Variants in EVL observed in about 807,000 individuals in gnomAD.
The protein encoded by EVL is Enah/Vasp-like.
Under a neutral mutation model 59.6 loss-of-function variants are expected in EVL, and 21 were observed. That is an observed-to-expected ratio of 0.35 (90% CI 0.25 to 0.51). The LOEUF (loss-of-function observed/expected upper bound fraction) is 0.51. EVL is among the 20% of genes least tolerant of loss of function. The pLI, the probability that EVL is intolerant of heterozygous loss-of-function variation, is 0.97. For missense variants in EVL, 462 were observed against 546.6 expected (o/e 0.85, Z 1.54); for synonymous variants, 198 against 203.5 (o/e 0.97, Z 0.23).
chr14:100,068,908 TG>T (rs1254683164), intron 1 of EVL, among the ~76,000 whole-genome samples: 1 of 152,172 alleles, frequency 6.6e-6, no homozygotes, highest in African/African-American at 2.4e-5. Context: ...GTGATATGTC[TG>T]CCACTTTTGG....
chr14:100,060,834 C>T (rs554338039), upstream of EVL, among the ~76,000 whole-genome samples: 6 of 151,760 alleles, frequency 4.0e-5, no homozygotes, highest in African/African-American at 1.2e-4. Context: ...CTGCTGAAAA[C>T]GAAAGAAAAA....
At chr14:99,984,888 T>G (rs1246261072) in intron 1 of EVL, among the ~76,000 whole-genome samples, 3 of 152,180 alleles carry the variant, frequency 2.0e-5, no homozygotes, top group Admixed American at 2.0e-4. Flanking sequence ...ATTGCTGGTA[T>G]TACAGGCATA....
intron 1 of EVL, among the ~76,000 whole-genome samples, chr14:100,056,733 G>C (rs1404243991): frequency 6.6e-6 from 1 of 152,100 alleles, no homozygotes; most frequent in Non-Finnish European, 1.5e-5. Flanking sequence ...TGATATTGGA[G>C]GCTAGACTCA....
intron 1 of EVL, among the ~76,000 whole-genome samples, chr14:100,045,380 G>A (rs1371519009): frequency 6.6e-6 from 1 of 152,176 alleles, no homozygotes; most frequent in African/African-American, 2.4e-5. Flanking sequence ...AGATATCTGA[G>A]TGTCTTCTTG....
At chr14:100,000,180 A>G (rs576265182) in intron 1 of EVL, among the ~76,000 whole-genome samples, 14 of 152,318 alleles carry the variant, frequency 9.2e-5, no homozygotes, top group African/African-American at 2.9e-4. Context: ...CGTGTGCCCA[A>G]GGTGGTCAGG....
chr14:100,036,951 A>G (rs2061398310), intron 1 of EVL, among the ~76,000 whole-genome samples: 1 of 152,212 alleles, frequency 6.6e-6, no homozygotes, highest in African/African-American at 2.4e-5. Flanking sequence ...AGGTGAAGAC[A>G]TGAGGGATGC....
chr14:100,130,394 G>T lies in EVL; in HGVS notation c.839+710G>T, dbSNP rs1888358637. Among the ~76,000 whole-genome samples, 1 of 152,338 alleles carries T rather than the reference G, an allele frequency of 6.6e-6. No homozygotes were observed. Among genetic ancestry groups the T allele is most frequent in the East Asian group, 1.9e-4 (1 of 5,184 alleles). ...TTAAATATGACTTGGCATCAGGAAT[G>T]TGCTCACCTTGGACTACCAATATCG... On this transcript the variant is annotated intron_variant, in intron 7 of 13. Coordinates refer to ENST00000392920, the MANE Select transcript of EVL (RefSeq NM_016337.3). The surrounding 1 kb of genome is among the most constrained non-coding windows in gnomAD (Gnocchi z 4.8).
At chr14:99,998,175 A>G (rs1168043628) in intron 1 of EVL, among the ~76,000 whole-genome samples, 1 of 151,964 alleles carries the variant, frequency 6.6e-6, no homozygotes. Context: ...CTGCGCCACT[A>G]TGCCTAGCTA....
At chr14:99,991,995 T>C (rs910480597) in intron 1 of EVL, among the ~76,000 whole-genome samples, 3 of 149,912 alleles carry the variant, frequency 2.0e-5, no homozygotes, top group African/African-American at 7.4e-5. Flanking sequence ...TGTGTGTGTG[T>C]GTCCAGTGAT....
In EVL at chr14:100,084,675, C is replaced by T. The variant is rs750605894; in HGVS notation, c.12-12C>T. On this transcript the variant is annotated splice_polypyrimidine_tract_variant and intron_variant, in intron 1 of 13. Coordinates refer to ENST00000392920, the MANE Select transcript of EVL (RefSeq NM_016337.3). ...TAGCTGAGGCTGACACCAGTTTTTT[C>T]TTGCTCGGCAGTGAACAGAGTATCT... The T allele has an allele frequency of 4.3e-6, 7 of 1,611,950 alleles. No individual in the cohort carries two copies. The highest frequency in any genetic ancestry group is 5.1e-6 in the Non-Finnish European group (6 of 1,178,920).
chr14:100,065,472 A>G lies in EVL; in HGVS notation c.-29A>G. On this transcript the variant is annotated 5_prime_UTR_variant, in exon 1 of 14. Transcript: ENST00000392920. ...GTGGGAGTACAGGACTCGCCTCCTC[A>G]GGGTTCCCTGTGCTGCCACTTTTCA... 1.3e-6 allele frequency: 2 copies of G among 1,497,042 alleles called. No individual in the cohort carries two copies. Among genetic ancestry groups the G allele is most frequent in the Non-Finnish European group, 1.8e-6 (2 of 1,110,020 alleles). 92.7% of individuals were successfully genotyped at this position (1,497,042 alleles called of 1,614,324 possible). A position where few individuals can be genotyped will look rare whatever the true frequency, so the allele number is the denominator to read the frequency against.
At chr14:100,073,394 TCACTG>T (rs1157299383) in intron 1 of EVL, among the ~76,000 whole-genome samples, 1 of 151,326 alleles carries the variant, frequency 6.6e-6, no homozygotes, top group Admixed American at 6.6e-5. Flanking sequence ...CAAACACGGT[TCACTG>T]CAACCTTAAC....
intron 8 of EVL, among the ~76,000 whole-genome samples, chr14:100,133,706 G>A (rs1161091123): frequency 6.6e-6 from 1 of 152,136 alleles, no homozygotes. Context: ...GGGAGGCCGA[G>A]GCAGACGGAT....
intron 11 of EVL, 26 bp downstream of exon 11, chr14:100,137,828 T>C (rs1468665035): frequency 1.2e-6 from 2 of 1,612,150 alleles, no homozygotes; most frequent in African/African-American, 2.7e-5. Flanking sequence ...CCTGCTCACA[T>C]GTCCCCCAGG....
intron 2 of EVL, among the ~76,000 whole-genome samples, chr14:100,087,734 G>A (rs2062477011): frequency 6.6e-6 from 1 of 152,200 alleles, no homozygotes; most frequent in Non-Finnish European, 1.5e-5. Flanking sequence ...AATTCATGGA[G>A]GCAGAGGTCC....
At chr14:100,060,273 T>C (rs1158038834) in intron 1 of EVL, among the ~76,000 whole-genome samples, 1 of 151,150 alleles carries the variant, frequency 6.6e-6, no homozygotes, top group African/African-American at 2.4e-5. Context: ...TACTAAAAAA[T>C]ACAAAAAATT....
Position 99,972,146 on chromosome 14 carries a change from AG to A in EVL, c.5+95del, listed in dbSNP as rs949801860. On this transcript the variant is annotated intron_variant, in intron 1 of 13. Transcript: ENST00000402714. This position sits in a 1 kb window ranked among gnomAD's most constrained non-coding sequence, Gnocchi z 4.4. ...GGCCCGCGGTGCCCCCGAGGGCGGGAGGGGGGCTCCACGGGCGCGGGGGCTT... is the reference window on the plus strand; with the variant it reads ...GGCCCGCGGTGCCCCCGAGGGCGGGAGGGGGCTCCACGGGCGCGGGGGCTT... The A allele has an allele frequency of 2.0e-5, 5 of 249,658 alleles. No homozygotes were observed. Among genetic ancestry groups the A allele is most frequent in the East Asian group, 6.4e-5 (1 of 15,738 alleles). 15.5% of individuals were successfully genotyped at this position (249,658 alleles called of 1,614,324 possible).
chr14:99,983,112 T>C (rs1173909247), intron 1 of EVL, among the ~76,000 whole-genome samples: 3 of 152,194 alleles, frequency 2.0e-5, no homozygotes, highest in African/African-American at 7.2e-5. Flanking sequence ...TATGGGACAG[T>C]TCTGGTTTCA....
chr14:100,117,642 G>A (rs1313588356), intron 3 of EVL, among the ~76,000 whole-genome samples: 1 of 152,186 alleles, frequency 6.6e-6, no homozygotes, highest in Non-Finnish European at 1.5e-5. Context: ...TTCCTAGGAC[G>A]AGGGAGGCTA....
Sources: allele counts gnomAD v4.1 joint callset (sites outside exome capture counted in the v4.1 genomes callset), GRCh38; gene constraint gnomAD v4.1.1; non-coding constraint Gnocchi (gnomAD v3.1); transcripts MANE v1.5; gene names NCBI Gene and HGNC (gene_info 2026-07-23, HGNC 2026-07-21).